MON1A: variants seen among roughly 807,000 people sequenced by gnomAD.
MON1A encodes the protein MON1 vesicular trafficking associated A.
Under a neutral mutation model 44.6 loss-of-function variants are expected in MON1A, and 29 were observed. That is an observed-to-expected ratio of 0.65 (90% CI 0.48 to 0.89). MON1A has a LOEUF of 0.89. Ranked by LOEUF, MON1A falls within the 40% of genes least tolerant of loss-of-function variation. MON1A has a pLI of 0.00. For missense variants in MON1A, 615 were observed against 759.6 expected, an observed-to-expected ratio of 0.81 and a Z score of 2.24; for synonymous variants, 275 against 316.4, an observed-to-expected ratio of 0.87 and a Z score of 1.39.
rs771073350 is a variant in MON1A at position 49,913,051 on chromosome 3, G to C, written c.127+169C>G. On this transcript the variant is annotated intron_variant, in intron 2 of 5. Coordinates refer to ENST00000296473, the MANE Select transcript of MON1A (RefSeq NM_032355.4). ...TAACATGAAGTGGAGAGGAAAGCCAGATGCAGAATGAGCCTGGCCTCCTGC... is the reference window on the plus strand; with the variant it reads ...TAACATGAAGTGGAGAGGAAAGCCACATGCAGAATGAGCCTGGCCTCCTGC... The C allele has an allele frequency of 1.2e-5, 10 of 865,934 alleles. No individual in the cohort carries two copies. The Admixed American group carries it at 1.8e-4, about 15-fold the overall frequency. 53.6% of individuals were successfully genotyped at this position (865,934 alleles called of 1,614,324 possible). A position where few individuals can be genotyped will look rare whatever the true frequency, so the allele number is the denominator to read the frequency against.
chr3:49,913,271 T>A lies in MON1A; in HGVS notation c.76A>T (p.Met26Leu), dbSNP rs761732784. The A allele has an allele frequency of 1.9e-6, 3 of 1,614,214 alleles. No homozygotes were observed. The highest frequency in any genetic ancestry group is 2.2e-5 in the South Asian group (2 of 91,090). Residue 26 changes from methionine (M) to leucine (L), a missense_variant, in exon 2 of 6, where the codon ATG (methionine) becomes TTG (leucine). Transcript: ENST00000296473. ...GTLTPSDGQS[M>L]ERAESPTPGM... is the part of the protein sequence containing the mutation. Reference sequence around the variant, plus strand: ...GGTGTGGGGCTCTCAGCTCTCTCCATACTCTGTCCATCAGAAGGAGTCAAT... The same window carrying A: ...GGTGTGGGGCTCTCAGCTCTCTCCAAACTCTGTCCATCAGAAGGAGTCAAT...
At chr3:49,925,163 G>A (rs748119754) in intron 1 of MON1A, among the ~76,000 whole-genome samples, 9 of 152,110 alleles carry the variant, frequency 5.9e-5, no homozygotes, top group African/African-American at 9.7e-5. Context: ...CACCCAGGCC[G>A]AAGTGCAATA....
chr3:49,911,456 G>A lies in MON1A; in HGVS notation c.613+70C>T. Reference sequence around the variant, plus strand: ...CACATCCCAGCCCTCTGGTCTGCAGGGGTCCAAAACCTGCTATGAATGAAC... The same window carrying A: ...CACATCCCAGCCCTCTGGTCTGCAGAGGTCCAAAACCTGCTATGAATGAAC... On this transcript the variant is annotated intron_variant, in intron 3 of 5. Coordinates refer to ENST00000296473, the MANE Select transcript of MON1A (RefSeq NM_032355.4). The surrounding 1 kb of genome is among the most constrained non-coding windows in gnomAD (Gnocchi z 5.7). 6.5e-7 allele frequency: 1 copy of A among 1,535,798 alleles called. No individual in the cohort carries two copies. The highest frequency in any genetic ancestry group is 8.7e-7 in the Non-Finnish European group (1 of 1,143,972).
At chr3:49,918,668 C>T (rs1294872132) in intron 1 of MON1A, among the ~76,000 whole-genome samples, 4 of 151,860 alleles carry the variant, frequency 2.6e-5, no homozygotes, top group Non-Finnish European at 4.4e-5. Context: ...CGCCTCAGTC[C>T]CCCAAAGTGC....
In MON1A at chr3:49,911,376, C is replaced by G; in HGVS notation, c.613+150G>C. The G allele has an allele frequency of 8.2e-7, 1 of 1,215,478 alleles. No homozygotes were observed. Among genetic ancestry groups the G allele is most frequent in the Admixed American group, 2.5e-5 (1 of 39,794 alleles). The allele number at this position is 1,215,478 out of a possible 1,614,324, so 75.3% of individuals were successfully genotyped here. A position where few individuals can be genotyped will look rare whatever the true frequency, so the allele number is the denominator to read the frequency against. On this transcript the variant is annotated intron_variant, in intron 3 of 5. Transcript: ENST00000296473. The surrounding 1 kb of genome is among the most constrained non-coding windows in gnomAD (Gnocchi z 5.7). ...GCCAGCAGTGTTGTTATCTTCTGTT[C>G]AGGTGAGGACCTTGAAGCTCAGAGA...
rs548653130 is a variant in MON1A at position 49,913,314 on chromosome 3, G to A, written c.33C>T (p.Ser11=). ...GAGTCAATGTGCCATCAAGGCATTC[G>A]CTGCTTCTCTTCCTCTGCATGTCAG... MATDMQRKRS[S]ECLDGTLTPS... The change falls in exon 2 of 6, where the codon AGC becomes AGT. Residue 11 remains serine, a synonymous_variant. Coordinates refer to ENST00000296473, the MANE Select transcript of MON1A (RefSeq NM_032355.4). 101 of 1,613,522 alleles carry A rather than the reference G, an allele frequency of 6.3e-5. 1 individual carries two copies. The South Asian group carries it at 7.4e-4, about 12-fold the overall frequency.
rs919307054 is a variant in MON1A at position 49,928,665 on chromosome 3, C to G, written c.-14+944G>C. On this transcript the variant is annotated intron_variant, in intron 1 of 5. Transcript: ENST00000296473. ...TGGATAGCACTTCATTTCACCTTAA[C>G]CCTTTGGAGCGGCCTGTCTGGAAAG... Among the ~76,000 whole-genome samples the G allele has an allele frequency of 3.9e-5, 6 of 152,256 alleles. No individual in the cohort carries two copies. The Middle Eastern group carries it at 0.01, about 259-fold the overall frequency.
At chr3:49,916,751 T>C (rs894675618) in intron 1 of MON1A, 1 of 152,252 alleles carries the variant, frequency 6.6e-6, no homozygotes. Context: ...AGAGGCTGCA[T>C]GCCCTCAACA....
At chr3:49,921,586 C>T (rs572903567) in intron 1 of MON1A, among the ~76,000 whole-genome samples, 34 of 148,646 alleles carry the variant, frequency 2.3e-4, no homozygotes, top group Non-Finnish European at 3.7e-4. Context: ...CTGGCTAACA[C>T]GGGAAACCCA....
Position 49,910,434 on chromosome 3 carries a change from G to C in MON1A, c.1064C>G (p.Ser355Cys). 1 of 1,614,246 alleles carries C rather than the reference G, an allele frequency of 6.2e-7. No individual in the cohort carries two copies. Residue 355 changes from serine (S) to cysteine (C), a missense_variant, in exon 4 of 6, where the codon TCC becomes TGC. Coordinates refer to ENST00000296473, the MANE Select transcript of MON1A (RefSeq NM_032355.4). The surrounding 1 kb of genome is among the most constrained non-coding windows in gnomAD (Gnocchi z 8.0). ...LHLLFNLISS[S>C]SSFREGEAWT... ...GGCCTCGCCCTCGCGAAAGGACGAG[G>C]AGGAACTAATGAGGTTGAAGAGCAG...
rs1433323651 is a variant in MON1A, at chr3:49,919,909, A to G, written c.-13-6550T>C. On this transcript the variant is annotated intron_variant, in intron 1 of 5. Transcript: ENST00000296473. ...ACCCTATAGAAGCCATTCGGAACACATGCCTTCCACATCACCTGGCAAGGG... is the reference window on the plus strand; with the variant it reads ...ACCCTATAGAAGCCATTCGGAACACGTGCCTTCCACATCACCTGGCAAGGG... Among the ~76,000 whole-genome samples, 4 of 152,214 alleles carry G rather than the reference A, an allele frequency of 2.6e-5. No individual in the cohort carries two copies. In the East Asian group the frequency reaches 7.7e-4, roughly 29 times the overall value.
rs569803864 is a variant in MON1A, at chr3:49,910,372, C to T, written c.1126G>A (p.Gly376Ser). 5.6e-6 allele frequency: 9 copies of T among 1,614,204 alleles called. No homozygotes were observed. The Admixed American group carries it at 6.7e-5, about 12-fold the overall frequency. ...TAAGAGATGTGTGCGTGGAAGAAGC[C>T]GGCTGCGTTGAATTTGGGCAGGCAC... is the stretch of plus-strand genomic sequence containing the variant. ...PVCLPKFNAA[G>S]FFHAHISYLE... The change falls in exon 4 of 6, where the codon GGC (glycine) becomes AGC (serine). Residue 376 changes from glycine to serine, a missense_variant. Transcript: ENST00000296473. This position sits in a 1 kb window ranked among gnomAD's most constrained non-coding sequence, Gnocchi z 8.0.
chr3:49,917,687 T>C (rs948384113), intron 1 of MON1A, among the ~76,000 whole-genome samples: 1 of 152,088 alleles, frequency 6.6e-6, no homozygotes, highest in Non-Finnish European at 1.5e-5. Context: ...TCCCTGATGG[T>C]CATACTCAGC....
intron 1 of MON1A, among the ~76,000 whole-genome samples, chr3:49,917,747 G>A (rs1053186730): frequency 2.6e-5 from 4 of 151,454 alleles, no homozygotes; most frequent in African/African-American, 7.3e-5. Context: ...GACAGAAGTC[G>A]TTAGAAGAGA....
intron 1 of MON1A, among the ~76,000 whole-genome samples, chr3:49,924,352 G>A (rs1466016929): frequency 2.6e-5 from 4 of 152,068 alleles, no homozygotes; most frequent in Non-Finnish European, 5.9e-5. Context: ...ACTGAGCAGG[G>A]CTGACCTATG....
chr3:49,911,928 C>T lies in MON1A; in HGVS notation c.211G>A (p.Asp71Asn). 1 of 1,613,594 alleles carries T rather than the reference C, an allele frequency of 6.2e-7. No individual in the cohort carries two copies. Among genetic ancestry groups the T allele is most frequent in the Non-Finnish European group, 8.5e-7 (1 of 1,179,830 alleles). ...CCCCTGGTACCCTCCTTGTGGCTGT[C>T]CCCAGAAGCTGCCCCATCCTCTGAC... ...TESEDGAASGDSHKEGTRGPP... is the reference protein window; with the variant it reads ...TESEDGAASGNSHKEGTRGPP... The change falls in exon 3 of 6, where the codon GAC becomes AAC. Residue 71 changes from aspartate to asparagine, a missense_variant. Transcript: ENST00000296473. The surrounding 1 kb of genome is among the most constrained non-coding windows in gnomAD (Gnocchi z 5.7).
chr3:49,926,240 G>A (rs905515896), intron 1 of MON1A, among the ~76,000 whole-genome samples: 2 of 152,020 alleles, frequency 1.3e-5, no homozygotes, highest in African/African-American at 2.4e-5. Flanking sequence ...GAACTTTGCC[G>A]TTGCTGAACT....
rs1353637843 is a variant in MON1A at position 49,910,537 on chromosome 3, A to C, written c.961T>G (p.Ser321Ala). ...AGCTGGTTGCGGGCCAGCAGGATGG[A>C]GAAGACCAGGCTGCGCGCACGCGCC... ...QQARARSLVFSILLARNQLVA... is the reference protein window; with the variant it reads ...QQARARSLVFAILLARNQLVA... The change falls in exon 4 of 6, where the codon TCC becomes GCC. Residue 321 changes from serine (S) to alanine (A), a missense_variant. Coordinates refer to ENST00000296473, the MANE Select transcript of MON1A (RefSeq NM_032355.4). This position sits in a 1 kb window ranked among gnomAD's most constrained non-coding sequence, Gnocchi z 8.0. 1.2e-6 allele frequency: 2 copies of C among 1,613,632 alleles called. No individual in the cohort carries two copies. The highest frequency in any genetic ancestry group is 1.1e-5 in the South Asian group (1 of 91,048).
intron 1 of MON1A, among the ~76,000 whole-genome samples, chr3:49,925,949 C>T (rs1365317176): frequency 6.6e-6 from 1 of 152,096 alleles, no homozygotes; most frequent in East Asian, 1.9e-4. Flanking sequence ...CCTCTTTTGC[C>T]CTTGTCCCTG....
Sources: allele counts gnomAD v4.1 joint callset (sites outside exome capture counted in the v4.1 genomes callset), GRCh38; gene constraint gnomAD v4.1.1; non-coding constraint Gnocchi (gnomAD v3.1); transcripts MANE v1.5; gene names NCBI Gene and HGNC (gene_info 2026-07-23, HGNC 2026-07-21).